AGO3: variants seen among roughly 807,000 people sequenced by gnomAD.
AGO3 encodes the protein protein argonaute-3.
A neutral mutation model predicts 105.5 loss-of-function variants in AGO3; 16 were observed. The ratio of observed to expected loss-of-function variants is 0.15; its 90% CI spans 0.10 to 0.23. AGO3 has a LOEUF of 0.23. AGO3 is among the 10% of genes least tolerant of loss of function. AGO3 has a pLI of 1.00. For missense variants in AGO3, 534 were observed against 1,088.0 expected (o/e 0.49, Z 7.16); for synonymous variants, 340 against 367.3 (o/e 0.93, Z 0.85).
intron 14 of AGO3, among the ~76,000 whole-genome samples, chr1:36,039,487 C>T (rs1317642893): frequency 8.6e-6 from 1 of 115,778 alleles, no homozygotes; most frequent in Non-Finnish European, 1.6e-5. Flanking sequence ...AGCAAGACTG[C>T]GTCTCAAAAA....
At chr1:36,004,505 A>C in intron 6 of AGO3, 30 bp downstream of exon 6, 1 of 1,546,492 alleles carries the variant, frequency 6.5e-7, no homozygotes, top group Non-Finnish European at 8.8e-7. Flanking sequence ...GCACAACTTA[A>C]CTATAAAATG....
rs1360066475 is a variant in AGO3 at position 36,024,164 on chromosome 1, G to T, written c.1407-2950G>T. 2.1e-5 allele frequency among the ~76,000 whole-genome samples: 3 copies of T among 143,080 alleles called. No homozygotes were observed. In the Admixed American group the frequency reaches 2.1e-4, roughly 10 times the overall value. 93.9% of individuals were successfully genotyped at this position (143,080 alleles called of 152,430 possible). A position where few individuals can be genotyped will look rare whatever the true frequency, so the allele number is the denominator to read the frequency against. On this transcript the variant is annotated intron_variant, in intron 11 of 18. Transcript: ENST00000373191. ...TTTTTTTTTTTTTTTTTTGAGATGGGATCTCACTCTGTTGCCCAGGCTGGA... is the reference window on the plus strand; with the variant it reads ...TTTTTTTTTTTTTTTTTTGAGATGGTATCTCACTCTGTTGCCCAGGCTGGA...
intron 13 of AGO3, among the ~76,000 whole-genome samples, 189 bp from the exon 14 acceptor site, chr1:36,035,988 G>A (rs530372879): frequency 1.3e-5 from 2 of 148,908 alleles, no homozygotes; most frequent in East Asian, 3.9e-4. Flanking sequence ...AGCCGAGATC[G>A]TGCCACTGCA....
intron 17 of AGO3, among the ~76,000 whole-genome samples, chr1:36,046,688 G>A (rs1271256231): frequency 8.0e-6 from 1 of 125,628 alleles, no homozygotes; most frequent in African/African-American, 3.1e-5. Flanking sequence ...TAAATTGAAG[G>A]AGTACATTGC....
rs146304458 is a variant in AGO3 at position 35,937,622 on chromosome 1, G to A, written c.19+6177G>A. Among the ~76,000 whole-genome samples, 1,078 of 152,154 alleles carry A rather than the reference G, an allele frequency of 7.1e-3. 8 individuals carry two copies. Among genetic ancestry groups the A allele is most frequent in the African/African-American group, 0.025 (1,024 of 41,492 alleles). On this transcript the variant is annotated intron_variant, in intron 1 of 18. Transcript: ENST00000373191. Reference sequence around the variant, plus strand: ...AGAGAATTGCTTGAACCTGGGAGGCGGAGGTTGCAGTGAGCCAAGATCGTG... The same window carrying A: ...AGAGAATTGCTTGAACCTGGGAGGCAGAGGTTGCAGTGAGCCAAGATCGTG...
intron 6 of AGO3, among the ~76,000 whole-genome samples, chr1:36,007,587 T>C (rs2148812718): frequency 6.6e-6 from 1 of 151,058 alleles, no homozygotes; most frequent in East Asian, 1.9e-4. Context: ...TCCCAGCTAC[T>C]TGGGAGGCTG....
At chr1:35,950,207 A>G (rs1646445447) in intron 2 of AGO3, among the ~76,000 whole-genome samples, 1 of 152,004 alleles carries the variant, frequency 6.6e-6, no homozygotes, top group Non-Finnish European at 1.5e-5. Flanking sequence ...GCAACAGAGT[A>G]AGACTCCGTC....
Position 36,066,243 on chromosome 1 carries a change from A to T in AGO3, c.*10498A>T, listed in dbSNP as rs1260554766. On this transcript the variant is annotated 3_prime_UTR_variant, in exon 19 of 19. Coordinates refer to ENST00000373191, the MANE Select transcript of AGO3 (RefSeq NM_024852.4). ...GCAACACCAGAGACTAGAGAGGGAG[A>T]TTACTCTGATATTTAGTGCCTAAAA... is the stretch of plus-strand genomic sequence containing the variant. The T allele has an allele frequency of 6.6e-6, 1 of 151,964 alleles. No individual in the cohort carries two copies. Among genetic ancestry groups the T allele is most frequent in the Admixed American group, 6.6e-5 (1 of 15,234 alleles). 9.4% of individuals were successfully genotyped at this position (151,964 alleles called of 1,614,324 possible). A position where few individuals can be genotyped will look rare whatever the true frequency, so the allele number is the denominator to read the frequency against.
chr1:35,999,811 TTG>T (rs1296022566), intron 5 of AGO3, among the ~76,000 whole-genome samples: 1 of 152,164 alleles, frequency 6.6e-6, no homozygotes, highest in Non-Finnish European at 1.5e-5. Flanking sequence ...AGTAATAATT[TTG>T]TTTCTCTCTT....
intron 5 of AGO3, chr1:35,984,347 A>G (rs915004169): frequency 6.6e-6 from 1 of 152,232 alleles, no homozygotes; most frequent in Non-Finnish European, 1.5e-5. Flanking sequence ...AAAAAAAGAA[A>G]CAAAAAGTAG....
chr1:36,043,230 A>G (rs1642323211), intron 16 of AGO3: 2 of 522,164 alleles, frequency 3.8e-6, no homozygotes, highest in Admixed American at 3.6e-5. Flanking sequence ...TAGAGACTGT[A>G]TTAGGTTTTG....
At chr1:35,957,595 A>C (rs1158812491) in intron 2 of AGO3, among the ~76,000 whole-genome samples, 1 of 151,332 alleles carries the variant, frequency 6.6e-6, no homozygotes, top group South Asian at 2.1e-4. Context: ...GCGTGGTGGC[A>C]CGTGCTTGTA....
intron 3 of AGO3, among the ~76,000 whole-genome samples, chr1:35,969,801 A>G (rs1185608385): frequency 1.3e-5 from 2 of 152,218 alleles, no homozygotes; most frequent in African/African-American, 4.8e-5. Flanking sequence ...CTATAAACCT[A>G]TATAGGATGT....
At chr1:35,955,052 G>T (rs1454533703) in intron 2 of AGO3, among the ~76,000 whole-genome samples, 1 of 152,234 alleles carries the variant, frequency 6.6e-6, no homozygotes, top group Non-Finnish European at 1.5e-5. Context: ...AGTATAAATA[G>T]AGTAGCTAGA....
chr1:35,993,263 AAAGT>A (rs1219724341), intron 5 of AGO3, among the ~76,000 whole-genome samples: 1 of 147,288 alleles, frequency 6.8e-6, no homozygotes, highest in Admixed American at 7.2e-5. Flanking sequence ...AAGTAAGCAG[AAAGT>A]AAGAAATAAT....
At chr1:36,028,211 TTTTA>T (rs1188045795) in intron 12 of AGO3, among the ~76,000 whole-genome samples, 127 of 151,804 alleles carry the variant, frequency 8.4e-4, no homozygotes, top group Non-Finnish European at 1.3e-4. Flanking sequence ...TGGACTAATT[TTTTA>T]TTTTTTTATT....
chr1:36,010,560 C>G (rs1640553982), intron 9 of AGO3, among the ~76,000 whole-genome samples: 1 of 151,164 alleles, frequency 6.6e-6, no homozygotes, highest in African/African-American at 2.4e-5. Context: ...GCCGATCACA[C>G]CACTGCACTC....
intron 1 of AGO3, among the ~76,000 whole-genome samples, chr1:35,934,666 A>C (rs1228131927): frequency 6.6e-6 from 1 of 151,970 alleles, no homozygotes; most frequent in Non-Finnish European, 1.5e-5. Context: ...ATTTTTTTTG[A>C]GATGGAGTCT....
At chr1:35,949,284 A>G (rs1372154131) in intron 2 of AGO3, among the ~76,000 whole-genome samples, 2 of 152,208 alleles carry the variant, frequency 1.3e-5, no homozygotes, top group African/African-American at 4.8e-5. Context: ...GGGATTCTAA[A>G]AATCATATAA....
Sources: gnomAD v4.1 joint callset for allele counts (sites outside exome capture counted in the v4.1 genomes callset) on GRCh38, gnomAD v4.1.1 for gene constraint, MANE v1.5 for transcripts, NCBI Gene and HGNC (gene_info 2026-07-23, HGNC 2026-07-21) for gene names.